GOLGA3: variants seen among roughly 807,000 people sequenced by gnomAD.
The protein encoded by GOLGA3 is golgin subfamily A member 3.
In GOLGA3, 75 loss-of-function variants were observed where a neutral mutation model predicts 169.4. The ratio of observed to expected loss-of-function variants is 0.44; its 90% CI spans 0.37 to 0.54. The LOEUF is 0.54. Among genes scored for constraint, GOLGA3 ranks in the 20% least tolerant of loss-of-function variants. The pLI is 0.00. For missense variants in GOLGA3, 1,899 were observed against 1,930.0 expected (o/e 0.98, Z 0.30); for synonymous variants, 824 against 822.4 (o/e 1.00, Z -0.03).
intron 3 of GOLGA3, among the ~76,000 whole-genome samples, chr12:132,813,721 C>CTTT (rs10717082): frequency 8.9e-5 from 7 of 78,870 alleles, no homozygotes; most frequent in African/African-American, 3.4e-4. Context: ...CAGCAAGTGC[C>CTTT]TTTTTTTTTT....
At chr12:132,780,526 C>T (rs747883466) in intron 18 of GOLGA3, among the ~76,000 whole-genome samples, 1 of 152,260 alleles carries the variant, frequency 6.6e-6, no homozygotes, top group African/African-American at 2.4e-5. Flanking sequence ...CAATGCAACA[C>T]GACATACAGG....
intron 21 of GOLGA3, 53 bp from the exon 22 acceptor site, chr12:132,775,358 C>T: frequency 5.4e-6 from 8 of 1,487,314 alleles, no homozygotes; most frequent in Non-Finnish European, 7.4e-6. Flanking sequence ...AAACATCCTG[C>T]CAAGATCCGA....
At chr12:132,819,358 T>C (rs1950117613) in intron 2 of GOLGA3, among the ~76,000 whole-genome samples, 1 of 151,924 alleles carries the variant, frequency 6.6e-6, no homozygotes, top group Non-Finnish European at 1.5e-5. Context: ...CGAAACCCCG[T>C]CTCTACTAAA....
intron 6 of GOLGA3, among the ~76,000 whole-genome samples, chr12:132,805,729 C>A (rs564159276): frequency 8.5e-5 from 13 of 152,368 alleles, no homozygotes; most frequent in Non-Finnish European, 1.6e-4. Context: ...TTGGGCCCAA[C>A]TGCACCTGCA....
intron 18 of GOLGA3, among the ~76,000 whole-genome samples, chr12:132,780,455 A>G (rs939027172): frequency 2.6e-5 from 4 of 152,150 alleles, no homozygotes; most frequent in Non-Finnish European, 5.9e-5. Flanking sequence ...GGTCCACAGA[A>G]CCACCCCTCT....
chr12:132,778,869 T>A (rs1056532862), intron 18 of GOLGA3, among the ~76,000 whole-genome samples: 1 of 149,340 alleles, frequency 6.7e-6, no homozygotes, highest in African/African-American at 2.5e-5. Flanking sequence ...CACTCCAGCC[T>A]GGTGACAAAG....
chr12:132,792,763 G>C (rs185791281), intron 11 of GOLGA3, among the ~76,000 whole-genome samples: 4,578 of 67,940 alleles, frequency 0.067, 542 homozygotes, highest in Non-Finnish European at 0.096. Flanking sequence ...CACACGGACT[G>C]ACCGCACGGG....
At chr12:132,819,523 C>T (rs986427175) in intron 2 of GOLGA3, among the ~76,000 whole-genome samples, 8 of 151,786 alleles carry the variant, frequency 5.3e-5, no homozygotes, top group Admixed American at 2.6e-4. Flanking sequence ...AGCGAGACTC[C>T]GTCTCAAAAA....
chr12:132,825,670 G>A (rs776004081), intron 1 of GOLGA3: 25 of 930,654 alleles, frequency 2.7e-5, no homozygotes, highest in Non-Finnish European at 4.3e-5. Flanking sequence ...GTTAGAAACT[G>A]GAAGAGCACC....
rs202076589 is a variant in GOLGA3 at position 132,816,692 on chromosome 12, G to A, written c.254C>T (p.Thr85Ile). 1.6e-4 allele frequency: 261 copies of A among 1,614,052 alleles called. No homozygotes were observed. Among genetic ancestry groups the A allele is most frequent in the Non-Finnish European group, 2.1e-4 (251 of 1,180,016 alleles). Residue 85 changes from threonine to isoleucine, a missense_variant, in exon 3 of 24, where the codon ACC (threonine) becomes ATC (isoleucine). Transcript: ENST00000450791. ...GGCATCAGGGCCCACTGGGCTTGTG[G>A]TGGGATCGAGAGACGACGGAGGGTC... The part of the protein sequence containing the change: ...FPDPPSSLDP[T>I]TSPVGPDASP...
intron 8 of GOLGA3, among the ~76,000 whole-genome samples, chr12:132,800,465 G>T (rs1949076806): frequency 6.6e-6 from 1 of 152,196 alleles, no homozygotes; most frequent in Non-Finnish European, 1.5e-5. Context: ...CTGTACTCCA[G>T]CCTGGGAGAC....
chr12:132,773,629 T>C (rs2045035756), intron 23 of GOLGA3, among the ~76,000 whole-genome samples: 2 of 152,252 alleles, frequency 1.3e-5, no homozygotes, highest in South Asian at 4.1e-4. Flanking sequence ...AGGTGCACCA[T>C]GTGTGGCCTT....
intron 15 of GOLGA3, among the ~76,000 whole-genome samples, chr12:132,785,406 G>C (rs1165665343): frequency 6.6e-6 from 1 of 152,148 alleles, no homozygotes; most frequent in African/African-American, 2.4e-5. Context: ...CACCTCCCAG[G>C]CTGAGGCGAT....
intron 18 of GOLGA3, among the ~76,000 whole-genome samples, chr12:132,778,632 A>T (rs1220565280): frequency 1.3e-5 from 2 of 151,616 alleles, no homozygotes; most frequent in Non-Finnish European, 1.5e-5. Context: ...AAATACATTT[A>T]AAAAATAAAA....
chr12:132,808,971 C>T (rs1593347980), intron 4 of GOLGA3, among the ~76,000 whole-genome samples: 1 of 152,196 alleles, frequency 6.6e-6, no homozygotes, highest in East Asian at 1.9e-4. Flanking sequence ...GGACCACTAC[C>T]ACCAATGCGC....
chr12:132,789,065 C>T lies in GOLGA3; in HGVS notation c.2773G>A (p.Ala925Thr), dbSNP rs1289189943. The T allele has an allele frequency of 3.1e-6, 5 of 1,602,348 alleles. No individual in the cohort carries two copies. Among genetic ancestry groups the T allele is most frequent in the Non-Finnish European group, 4.3e-6 (5 of 1,173,114 alleles). Residue 925 changes from alanine (A) to threonine (T), a missense_variant, in exon 13 of 24, where the codon GCG becomes ACG. By Grantham distance (58) the Ala-to-Thr change is moderately conservative. Coordinates refer to ENST00000450791, the MANE Select transcript of GOLGA3 (RefSeq NM_001389683.1). ...MADLEGHLQS[A>T]QKERDEMETH... ...TCCATCTCGTCTCGCTCCTTCTGCG[C>T]CGACTGGAGATGCCCTTCAAGGTCC...
chr12:132,803,641 G>A (rs576319946), intron 7 of GOLGA3, among the ~76,000 whole-genome samples: 1 of 151,980 alleles, frequency 6.6e-6, no homozygotes, highest in Non-Finnish European at 1.5e-5. Flanking sequence ...ATATTAAAGC[G>A]ATTACAAGAG....
intron 16 of GOLGA3, among the ~76,000 whole-genome samples, chr12:132,782,953 C>T (rs1159722366): frequency 1.3e-5 from 2 of 151,804 alleles, no homozygotes; most frequent in African/African-American, 2.4e-5. Flanking sequence ...GACGCAGTGA[C>T]TCACACCTGT....
chr12:132,782,381 G>C lies in GOLGA3; in HGVS notation c.3380C>G (p.Ser1127Cys). ...EKGKLTGLGQSNAALREHNSI... is the reference protein window; with the variant it reads ...EKGKLTGLGQCNAALREHNSI... The stretch of plus-strand genomic sequence containing the variant: ...GTTGTGTTCCCGCAGAGCTGCGTTG[G>C]ACTGACCGAGGCCCGTAAGCTTCCC... The change falls in exon 17 of 24, where the codon TCC becomes TGC. Residue 1127 changes from serine to cysteine, a missense_variant. Physicochemically the swap from Ser to Cys is moderately radical, Grantham distance 112. Transcript: ENST00000450791. 6.2e-7 allele frequency: 1 copy of C among 1,614,210 alleles called. No individual in the cohort carries two copies. Among genetic ancestry groups the C allele is most frequent in the Admixed American group, 1.7e-5 (1 of 60,032 alleles).
Sources: gnomAD v4.1 joint callset for allele counts (sites outside exome capture counted in the v4.1 genomes callset) on GRCh38, gnomAD v4.1.1 for gene constraint, MANE v1.5 for transcripts, NCBI Gene and HGNC (gene_info 2026-07-23, HGNC 2026-07-21) for gene names.